MAML3: variants seen among roughly 807,000 people sequenced by gnomAD.
MAML3 encodes mastermind like transcriptional coactivator 3.
A neutral mutation model predicts 101.9 loss-of-function variants in MAML3; 27 were observed. The observed-to-expected ratio is 0.27, with a 90% CI of 0.20 to 0.37. The LOEUF is 0.37. Among genes scored for constraint, MAML3 ranks in the 10% least tolerant of loss-of-function variants. The probability of loss-of-function intolerance (pLI) is 1.00; values close to 1 mark genes in which losing one functional copy is unlikely to be tolerated. For missense variants in MAML3, 1,316 were observed against 1,444.9 expected (o/e 0.91, Z 1.45); for synonymous variants, 501 against 555.9 (o/e 0.90, Z 1.39).
chr4:140,094,783 C>T (rs1728125267), intron 1 of MAML3, among the ~76,000 whole-genome samples: 2 of 152,234 alleles, frequency 1.3e-5, no homozygotes, highest in Non-Finnish European at 2.9e-5. Flanking sequence ...TTCCTCCTTT[C>T]CTGTCTGTCT....
chr4:139,735,765 G>A lies in MAML3; in HGVS notation c.2080-5098C>T, dbSNP rs1467346133. ...CTCCGGCTAGGAAGTCAGGAGTGGG[G>A]CCCGTGCGTCCCCGGCAGGACCTAG... On this transcript the variant is annotated intron_variant, in intron 2 of 4. Transcript: ENST00000509479. This position sits in a 1 kb window ranked among gnomAD's most constrained non-coding sequence, Gnocchi z 5.8. Among the ~76,000 whole-genome samples the A allele has an allele frequency of 2.0e-5, 3 of 152,166 alleles. No homozygotes were observed. The highest frequency in any genetic ancestry group is 4.4e-5 in the Non-Finnish European group (3 of 68,018).
intron 2 of MAML3, among the ~76,000 whole-genome samples, chr4:139,888,987 C>T (rs1195023475): frequency 6.6e-6 from 1 of 152,162 alleles, no homozygotes; most frequent in African/African-American, 2.4e-5. Context: ...TGCTTCCCAC[C>T]ACCCAGAGCC....
rs902783888 is a variant in MAML3 at position 140,019,451 on chromosome 4, G to A, written c.469-128484C>T. Among the ~76,000 whole-genome samples the A allele has an allele frequency of 4.6e-5, 7 of 152,176 alleles. No individual in the cohort carries two copies. In the East Asian group the frequency reaches 1.2e-3, roughly 25 times the overall value. On this transcript the variant is annotated intron_variant, in intron 1 of 4. Transcript: ENST00000509479. ...GAAAACAGCCTGACCCATAGCAGAT[G>A]CTACTCTATAAATACCTAATGAGTG...
intron 2 of MAML3, among the ~76,000 whole-genome samples, chr4:139,819,281 T>G (rs1360518250): frequency 6.6e-6 from 1 of 152,124 alleles, no homozygotes; most frequent in Non-Finnish European, 1.5e-5. Context: ...CTGAAGTGTG[T>G]GGCTCACTCA....
At chr4:140,120,746 CTT>C (rs1377268020) in intron 1 of MAML3, among the ~76,000 whole-genome samples, 1 of 152,088 alleles carries the variant, frequency 6.6e-6, no homozygotes, top group East Asian at 1.9e-4. Context: ...TTTTTACTCT[CTT>C]TTCATTTTGA....
intron 1 of MAML3, among the ~76,000 whole-genome samples, chr4:139,938,209 G>T (rs778861679): frequency 2.0e-5 from 3 of 152,116 alleles, no homozygotes; most frequent in Non-Finnish European, 4.4e-5. Context: ...CTCAGTTCTT[G>T]GGTAGATGAT....
At chr4:139,873,250 T>C (rs1213552182) in intron 2 of MAML3, among the ~76,000 whole-genome samples, 1 of 152,116 alleles carries the variant, frequency 6.6e-6, no homozygotes, top group Non-Finnish European at 1.5e-5. Context: ...GAAAAGAAAT[T>C]TCTGGTATGT....
intron 2 of MAML3, among the ~76,000 whole-genome samples, chr4:139,777,553 GT>G (rs1438345653): frequency 6.6e-6 from 1 of 152,106 alleles, no homozygotes; most frequent in African/African-American, 2.4e-5. Context: ...CTGAGACATG[GT>G]TTCTCTCTGT....
At chr4:139,870,416 C>T (rs1244194351) in intron 2 of MAML3, among the ~76,000 whole-genome samples, 1 of 152,208 alleles carries the variant, frequency 6.6e-6, no homozygotes, top group East Asian at 1.9e-4. Flanking sequence ...TGCTTTAGAT[C>T]AATCCAAGTT....
At chr4:139,745,285 C>T (rs1042445825) in intron 2 of MAML3, among the ~76,000 whole-genome samples, 1 of 100,654 alleles carries the variant, frequency 9.9e-6, no homozygotes, top group African/African-American at 3.1e-5. Flanking sequence ...ACTCGACCAC[C>T]GTCCATCAGG....
At chr4:139,743,258 G>A (rs964381913) in intron 2 of MAML3, among the ~76,000 whole-genome samples, 3 of 152,236 alleles carry the variant, frequency 2.0e-5, no homozygotes, top group African/African-American at 7.2e-5. Context: ...CAGCAGAACA[G>A]GAGGGGCAGG....
intron 2 of MAML3, among the ~76,000 whole-genome samples, chr4:139,847,435 AC>A (rs1731470147): frequency 6.6e-6 from 1 of 152,206 alleles, no homozygotes; most frequent in Non-Finnish European, 1.5e-5. Context: ...TTCCATGCAC[AC>A]CTGATACTGT....
chr4:140,112,275 A>G (rs1728450639), intron 1 of MAML3, among the ~76,000 whole-genome samples: 1 of 152,006 alleles, frequency 6.6e-6, no homozygotes, highest in African/African-American at 2.4e-5. Context: ...TTCTTTGACA[A>G]TTCCCCCTAC....
intron 1 of MAML3, among the ~76,000 whole-genome samples, chr4:139,943,863 A>ATTTTTTTTTTTTTTTT (rs1560844242): frequency 6.6e-5 from 5 of 75,606 alleles, no homozygotes; most frequent in African/African-American, 2.5e-4. Context: ...CCTAAAGACA[A>ATTTTTTTTTTTTTTTT]CTTTTTTTTT....
At chr4:139,874,028 A>G (rs1732062910) in intron 2 of MAML3, among the ~76,000 whole-genome samples, 1 of 152,150 alleles carries the variant, frequency 6.6e-6, no homozygotes, top group African/African-American at 2.4e-5. Flanking sequence ...ATTATTTTGG[A>G]ATATGTGTTT....
At chr4:140,119,213 T>C (rs1728564080) in intron 1 of MAML3, among the ~76,000 whole-genome samples, 1 of 152,166 alleles carries the variant, frequency 6.6e-6, no homozygotes, top group African/African-American at 2.4e-5. Flanking sequence ...CAGTTTCCAC[T>C]ACATAACCCT....
intron 2 of MAML3, among the ~76,000 whole-genome samples, chr4:139,761,844 G>A (rs1226800556): frequency 2.0e-5 from 3 of 151,958 alleles, no homozygotes; most frequent in South Asian, 2.1e-4. Flanking sequence ...AGTTTTCTCC[G>A]GGAGTAGATC....
intron 2 of MAML3, among the ~76,000 whole-genome samples, chr4:139,816,193 A>T (rs1730889947): frequency 6.6e-6 from 1 of 152,152 alleles, no homozygotes; most frequent in African/African-American, 2.4e-5. Context: ...CACAAAGAAG[A>T]AAGAAGCACC....
chr4:139,739,683 T>G (rs200691782), intron 2 of MAML3, among the ~76,000 whole-genome samples: 1 of 79,600 alleles, frequency 1.3e-5, no homozygotes, highest in Admixed American at 1.1e-4. Flanking sequence ...AAAGCAGTTT[T>G]TTTTTTTTTT....
Sources: allele counts gnomAD v4.1 joint callset (sites outside exome capture counted in the v4.1 genomes callset), GRCh38; gene constraint gnomAD v4.1.1; non-coding constraint Gnocchi (gnomAD v3.1); transcripts MANE v1.5; gene names NCBI Gene and HGNC (gene_info 2026-07-23, HGNC 2026-07-21).